Variants in ITPR1 observed in about 807,000 individuals in gnomAD.
ITPR1 encodes inositol 1,4,5-trisphosphate-gated calcium channel ITPR1.
ITPR1 carries 96 observed loss-of-function variants against 318.4 expected under a neutral mutation model. The ratio of observed to expected loss-of-function variants is 0.30; its 90% CI spans 0.26 to 0.36. The LOEUF is 0.36. Ranked by LOEUF, ITPR1 falls within the 10% of genes least tolerant of loss-of-function variation. The probability of loss-of-function intolerance (pLI) is 1.00; values close to 1 mark genes in which losing one functional copy is unlikely to be tolerated. For synonymous variants in ITPR1, 1,312 were observed against 1,289.9 expected, an observed-to-expected ratio of 1.02 and a Z score of -0.37; for missense variants, 2,440 against 3,460.2, an observed-to-expected ratio of 0.71 and a Z score of 7.40.
At chr3:4,666,904 T>G (rs1192655074) in intron 17 of ITPR1, among the ~76,000 whole-genome samples, 1 of 152,226 alleles carries the variant, frequency 6.6e-6, no homozygotes, top group African/African-American at 2.4e-5. Flanking sequence ...TGCTACTCAT[T>G]GACTTTAAAA....
At chr3:4,553,879 G>A (rs1302048026) in intron 4 of ITPR1, among the ~76,000 whole-genome samples, 1 of 152,154 alleles carries the variant, frequency 6.6e-6, no homozygotes, top group Non-Finnish European at 1.5e-5. Context: ...GGGGTTACGG[G>A]CGTGAGCCAC....
rs1356470831 is a variant in ITPR1 at position 4,580,282 on chromosome 3, T to C, written c.164-47481T>C. Among the ~76,000 whole-genome samples the C allele has an allele frequency of 3.3e-5, 5 of 152,200 alleles. No individual in the cohort carries two copies. In the East Asian group the frequency reaches 9.6e-4, roughly 29 times the overall value. Reference sequence around the variant, plus strand: ...GTTCACGTGCCCTTGATGGAGGATATTAACATTAAGTATTCAGGAGTGAGG... The same window carrying C: ...GTTCACGTGCCCTTGATGGAGGATACTAACATTAAGTATTCAGGAGTGAGG... On this transcript the variant is annotated intron_variant, in intron 4 of 61. Coordinates refer to ENST00000649015, the MANE Select transcript of ITPR1 (RefSeq NM_001378452.1).
At chr3:4,601,204 A>G (rs1286480650) in intron 4 of ITPR1, among the ~76,000 whole-genome samples, 1 of 119,194 alleles carries the variant, frequency 8.4e-6, no homozygotes, top group Non-Finnish European at 1.7e-5. Context: ...GCACTGGGGC[A>G]ACTGGATTTC....
intron 61 of ITPR1, among the ~76,000 whole-genome samples, chr3:4,841,577 G>A (rs2051346939): frequency 6.6e-6 from 1 of 152,198 alleles, no homozygotes; most frequent in African/African-American, 2.4e-5. Context: ...AGTCTAGAGT[G>A]GGAAACAAGT....
chr3:4,567,189 G>A (rs942466809), intron 4 of ITPR1, among the ~76,000 whole-genome samples: 1 of 152,196 alleles, frequency 6.6e-6, no homozygotes, highest in African/African-American at 2.4e-5. Context: ...TTGAAGAGAA[G>A]TGGAGTCTCC....
At chr3:4,705,726 T>A (rs1409617523) in intron 36 of ITPR1, among the ~76,000 whole-genome samples, 2 of 152,220 alleles carry the variant, frequency 1.3e-5, no homozygotes, top group African/African-American at 4.8e-5. Context: ...TTGTGAATGC[T>A]ACCTTTAGGA....
Position 4,710,506 on chromosome 3 carries a change from G to C in ITPR1, c.4991+33G>C. 6.5e-7 allele frequency: 1 copy of C among 1,544,192 alleles called. No homozygotes were observed. The highest frequency in any genetic ancestry group is 1.4e-5 in the African/African-American group (1 of 72,976). ...GCCTCTCTCTCTGGGGTGTTCATTT[G>C]CCAGAACCTTGATGACCTCACAAAG... On this transcript the variant is annotated intron_variant, in intron 38 of 61. Coordinates refer to ENST00000649015, the MANE Select transcript of ITPR1 (RefSeq NM_001378452.1). The surrounding 1 kb of genome is among the most constrained non-coding windows in gnomAD (Gnocchi z 4.2).
At chr3:4,664,328 T>C (rs1345928574) in intron 16 of ITPR1, among the ~76,000 whole-genome samples, 1 of 151,968 alleles carries the variant, frequency 6.6e-6, no homozygotes, top group Non-Finnish European at 1.5e-5. Flanking sequence ...AAATCCAGAG[T>C]AGATTAAATG....
chr3:4,673,848 C>T (rs2094135781), intron 21 of ITPR1, among the ~76,000 whole-genome samples: 1 of 152,212 alleles, frequency 6.6e-6, no homozygotes, highest in Non-Finnish European at 1.5e-5. Flanking sequence ...TCCCAAAGTG[C>T]TGGGATTACA....
At chr3:4,764,541 G>C (rs1330240105) in intron 44 of ITPR1, among the ~76,000 whole-genome samples, 1 of 152,216 alleles carries the variant, frequency 6.6e-6, no homozygotes, top group East Asian at 1.9e-4. Context: ...GTGCAACAGT[G>C]CAATTCAGAG....
In ITPR1 at chr3:4,503,742, C is replaced by T. The variant is rs189055862; in HGVS notation, c.-17+9236C>T. ...CTGCCCTAGAATGTCAGTAGTGAAC[C>T]GGTTAAGAAACCCTGTCCTTGAGTG... On this transcript the variant is annotated intron_variant, in intron 2 of 61. Transcript: ENST00000649015. Among the ~76,000 whole-genome samples, 124 of 152,230 alleles carry T rather than the reference C, an allele frequency of 8.1e-4. No homozygotes were observed. The South Asian group carries it at 0.016, about 19-fold the overall frequency.
In ITPR1 at chr3:4,784,531, C is replaced by T. The variant is rs116592602; in HGVS notation, c.6615+611C>T. The stretch of plus-strand genomic sequence containing the variant: ...AATGGGGAACCACTGGAGAGTTTTC[C>T]CCAAGAGGGCATTACAATCAGATCT... On this transcript the variant is annotated intron_variant, in intron 51 of 61. Transcript: ENST00000649015. Among the ~76,000 whole-genome samples the T allele has an allele frequency of 3.1e-3, 468 of 151,614 alleles. 2 individuals carry two copies. Among genetic ancestry groups the T allele is most frequent in the African/African-American group, 0.011 (450 of 41,320 alleles).
intron 5 of ITPR1, among the ~76,000 whole-genome samples, chr3:4,636,345 T>C (rs143448755): frequency 6.6e-6 from 1 of 152,364 alleles, no homozygotes; most frequent in African/African-American, 2.4e-5. Context: ...GGCTCAGGCA[T>C]CATTAAACTT....
intron 44 of ITPR1, among the ~76,000 whole-genome samples, chr3:4,744,534 G>A (rs1372960716): frequency 6.6e-6 from 1 of 152,208 alleles, no homozygotes; most frequent in Non-Finnish European, 1.5e-5. Flanking sequence ...TTTTTCCTTT[G>A]GGATTGTCCT....
intron 39 of ITPR1, 27 bp from the exon 40 acceptor site, chr3:4,717,336 TTCTC>T: frequency 6.5e-7 from 1 of 1,548,632 alleles, no homozygotes; most frequent in Non-Finnish European, 8.8e-7. Flanking sequence ...TAACATTTCC[TTCTC>T]TCTCTCTCCC....
intron 4 of ITPR1, among the ~76,000 whole-genome samples, chr3:4,572,676 A>G (rs2088151722): frequency 6.6e-6 from 1 of 152,222 alleles, no homozygotes; most frequent in Admixed American, 6.5e-5. Flanking sequence ...TTGCTGGGAG[A>G]CAGATCTCCA....
intron 23 of ITPR1, 76 bp downstream of exon 23, chr3:4,675,324 A>T (rs2094162826): frequency 1.0e-6 from 1 of 970,142 alleles, no homozygotes; most frequent in African/African-American, 1.7e-5. Context: ...CATACCCTAT[A>T]TGTGATGCCA....
At chr3:4,743,719 G>A (rs560417944) in intron 44 of ITPR1, among the ~76,000 whole-genome samples, 10 of 152,328 alleles carry the variant, frequency 6.6e-5, no homozygotes, top group African/African-American at 2.2e-4. Context: ...GGCCTTCCAT[G>A]AGAGGACTAC....
At chr3:4,697,108 CA>C in intron 33 of ITPR1, 38 bp from the exon 34 acceptor site, 1 of 1,602,814 alleles carries the variant, frequency 6.2e-7, no homozygotes. Context: ...CCATACACAC[CA>C]AGATGGTTTT....
Sources: gnomAD v4.1 joint callset for allele counts (sites outside exome capture counted in the v4.1 genomes callset) on GRCh38, gnomAD v4.1.1 for gene constraint, Gnocchi (gnomAD v3.1) non-coding constraint, MANE v1.5 for transcripts, NCBI Gene and HGNC (gene_info 2026-07-23, HGNC 2026-07-21) for gene names.